Variants in ANKRD36C observed in about 807,000 individuals in gnomAD.
ANKRD36C encodes the protein ankyrin repeat domain-containing protein 36C.
Under a neutral mutation model 276.4 loss-of-function variants are expected in ANKRD36C, and 61 were observed. That is an observed-to-expected ratio of 0.22 (90% CI 0.18 to 0.27). The LOEUF (loss-of-function observed/expected upper bound fraction) is 0.27, where lower values mean the gene tolerates loss of function less well. Ranked by LOEUF, ANKRD36C falls within the 10% of genes least tolerant of loss-of-function variation. The pLI is 1.00. For synonymous variants in ANKRD36C, 483 were observed against 680.1 expected (o/e 0.71, Z 4.51); for missense variants, 1,447 against 2,032.3 (o/e 0.71, Z 5.54).
At chr2:95,902,632 C>A (rs1318211606) in intron 42 of ANKRD36C, among the ~76,000 whole-genome samples, 2 of 150,092 alleles carry the variant, frequency 1.3e-5, no homozygotes, top group Non-Finnish European at 3.0e-5. Context: ...TTCCCCAGAG[C>A]CCCTTATGCC....
chr2:95,975,363 C>T (rs1310262096), intron 6 of ANKRD36C, among the ~76,000 whole-genome samples: 1 of 152,190 alleles, frequency 6.6e-6, no homozygotes, highest in African/African-American at 2.4e-5. Context: ...CATCACACTA[C>T]CTGACTTCAA....
chr2:95,864,053 GC>G (rs1369578158), intron 60 of ANKRD36C, among the ~76,000 whole-genome samples: 1 of 151,862 alleles, frequency 6.6e-6, no homozygotes, highest in African/African-American at 2.4e-5. Context: ...AATGAAGGAG[GC>G]TAAACATGTA....
intron 6 of ANKRD36C, among the ~76,000 whole-genome samples, chr2:95,974,801 C>A (rs1479549370): frequency 2.8e-5 from 3 of 108,330 alleles, no homozygotes; most frequent in Admixed American, 1.1e-4. Context: ...TATCCCTCCC[C>A]CCTCCCCCCA....
At chr2:95,915,992 T>A in exon 38 of ANKRD36C, 1 of 1,552,296 alleles carries the variant, frequency 6.4e-7, no homozygotes, top group Non-Finnish European at 8.7e-7. Context: ...GTCCTAGATA[T>A]TTCTCCATCC....
rs185436499 is a variant in ANKRD36C at position 95,934,219 on chromosome 2, G to A, written c.1735+1235C>T. On this transcript the variant is annotated intron_variant, in intron 24 of 66. Coordinates refer to ENST00000456556, the Ensembl canonical transcript of ANKRD36C. Reference sequence around the variant, plus strand: ...GTGATTCCTCAAGGATGTAGAACCAGAAATACCATTTGACTTAGCAATCCC... The same window carrying A: ...GTGATTCCTCAAGGATGTAGAACCAAAAATACCATTTGACTTAGCAATCCC... Among the ~76,000 whole-genome samples, 55 of 152,120 alleles carry A rather than the reference G, an allele frequency of 3.6e-4. No homozygotes were observed. In the East Asian group the frequency reaches 9.9e-3, roughly 27 times the overall value.
rs1381646707 is a variant in ANKRD36C, at chr2:95,856,678, TAAG to T, written c.4081-501_4081-499del. Among the ~76,000 whole-genome samples the T allele has an allele frequency of 1.4e-4, 22 of 152,286 alleles. No homozygotes were observed. In the East Asian group the frequency reaches 1.7e-3, roughly 12 times the overall value. On this transcript the variant is annotated intron_variant, in intron 62 of 66. Coordinates refer to ENST00000456556, the Ensembl canonical transcript of ANKRD36C. Reference sequence around the variant, plus strand: ...TTTCTAATATTGTTATGGTCAATTTTAAGAATGACATTTATTGATAAATGATAA... The same window carrying T: ...TTTCTAATATTGTTATGGTCAATTTTAATGACATTTATTGATAAATGATAA...
chr2:95,931,354 C>A (rs1171616085), intron 24 of ANKRD36C, among the ~76,000 whole-genome samples: 1 of 149,954 alleles, frequency 6.7e-6, no homozygotes, highest in Non-Finnish European at 1.5e-5. Flanking sequence ...ATGCTTTCAC[C>A]TCATATTATG....
chr2:95,894,107 A>G, intron 44 of ANKRD36C: 1 of 294,636 alleles, frequency 3.4e-6, no homozygotes, highest in Non-Finnish European at 6.4e-6. Flanking sequence ...TTCATGCAAC[A>G]AATCAAAAGG....
At chr2:95,884,003 T>C (rs1457273804) in intron 54 of ANKRD36C, among the ~76,000 whole-genome samples, 170 bp downstream of exon 74, 1 of 151,988 alleles carries the variant, frequency 6.6e-6, no homozygotes, top group Non-Finnish European at 1.5e-5. Flanking sequence ...GAAGATCACG[T>C]CCAAGACCAG....
Position 95,982,184 on chromosome 2 carries a change from CT to C in ANKRD36C, c.593+71del, listed in dbSNP as rs1678936558. The C allele has an allele frequency of 4.1e-6, 5 of 1,209,282 alleles. No individual in the cohort carries two copies. In the East Asian group the frequency reaches 1.3e-4, roughly 32 times the overall value. The allele number at this position is 1,209,282 out of a possible 1,614,324, so 74.9% of individuals were successfully genotyped here. ...CTTCTTATTAATGTAAAATTTGTGACTTCAGTGACCGCTACCACTCTAAAAT... is the reference window on the plus strand; with the variant it reads ...CTTCTTATTAATGTAAAATTTGTGACTCAGTGACCGCTACCACTCTAAAAT... On this transcript the variant is annotated intron_variant, in intron 4 of 66. Transcript: ENST00000456556.
At chr2:95,971,400 G>A (rs1678693926) in intron 6 of ANKRD36C, among the ~76,000 whole-genome samples, 1 of 149,830 alleles carries the variant, frequency 6.7e-6, no homozygotes, top group African/African-American at 2.4e-5. Context: ...TTGATAATGG[G>A]GGGAGCTATG....
At chr2:95,903,115 T>C (rs1029600701) in intron 42 of ANKRD36C, 34 bp from the exon 53 acceptor site, 16 of 1,551,026 alleles carry the variant, frequency 1.0e-5, no homozygotes, top group Non-Finnish European at 1.3e-5. Flanking sequence ...ATCACTCATA[T>C]GTAAAAATGA....
intron 22 of ANKRD36C, among the ~76,000 whole-genome samples, chr2:95,937,512 C>T (rs532509114): frequency 2.3e-4 from 34 of 151,018 alleles, no homozygotes; most frequent in Non-Finnish European, 3.7e-4. Context: ...GAAAACACAG[C>T]GGTGAGGCAT....
chr2:95,991,555 G>A, exon 1 of ANKRD36C: 1 of 1,613,124 alleles, frequency 6.2e-7, no homozygotes, highest in Non-Finnish European at 8.5e-7. Context: ...CGCGTGAGCA[G>A]AACGAACTTC....
chr2:95,937,951 A>C (rs1677763015), intron 22 of ANKRD36C, among the ~76,000 whole-genome samples: 1 of 152,244 alleles, frequency 6.6e-6, no homozygotes, highest in Non-Finnish European at 1.5e-5. Context: ...TGGTGCAGTC[A>C]TAAAACAAAT....
rs1331705650 is a variant in ANKRD36C, at chr2:95,920,660, T to A, written c.2245+947A>T. On this transcript the variant is annotated intron_variant, in intron 34 of 66. Transcript: ENST00000456556. Reference sequence around the variant, plus strand: ...ACATACTTCTACAAAGTAAAACTGCTACAAGCATTAGATATTGAGCAGTTT... The same window carrying A: ...ACATACTTCTACAAAGTAAAACTGCAACAAGCATTAGATATTGAGCAGTTT... Among the ~76,000 whole-genome samples, 21 of 128,438 alleles carry A rather than the reference T, an allele frequency of 1.6e-4. 3 individuals are homozygous for A. Among genetic ancestry groups the A allele is most frequent in the African/African-American group, 5.6e-4 (21 of 37,530 alleles). 84.3% of individuals were successfully genotyped at this position (128,438 alleles called of 152,430 possible). A position where few individuals can be genotyped will look rare whatever the true frequency, so the allele number is the denominator to read the frequency against.
At chr2:95,874,176 T>C (rs1675885681) in intron 59 of ANKRD36C, among the ~76,000 whole-genome samples, 1 of 152,162 alleles carries the variant, frequency 6.6e-6, no homozygotes, top group Admixed American at 6.5e-5. Context: ...TGGAAAAAAC[T>C]GCTTTAAAGT....
intron 6 of ANKRD36C, among the ~76,000 whole-genome samples, chr2:95,968,083 C>T (rs1204773812): frequency 1.3e-5 from 2 of 151,974 alleles, no homozygotes; most frequent in African/African-American, 2.4e-5. Flanking sequence ...CAAAGTGAGA[C>T]TTCATCTCAA....
Position 95,890,120 on chromosome 2 carries a change from A to G in ANKRD36C, c.2858-126T>C, listed in dbSNP as rs554463697. 17 of 1,285,342 alleles carry G rather than the reference A, an allele frequency of 1.3e-5. 1 individual carries two copies. In the African/African-American group the frequency reaches 2.2e-4, roughly 17 times the overall value. The allele number at this position is 1,285,342 out of a possible 1,614,324, so 79.6% of individuals were successfully genotyped here. On this transcript the variant is annotated intron_variant, in intron 46 of 66. Coordinates refer to ENST00000456556, the Ensembl canonical transcript of ANKRD36C. ...ATTAGTGTAGGCTTTGATGGCTTCT[A>G]TATTGTGTCGGGGACAAGAACATGA...
Sources: allele counts gnomAD v4.1 joint callset (sites outside exome capture counted in the v4.1 genomes callset), GRCh38; gene constraint gnomAD v4.1.1; transcripts MANE v1.5; gene names NCBI Gene and HGNC (gene_info 2026-07-23, HGNC 2026-07-21).